Variants in DLG2 observed in about 807,000 individuals in gnomAD.
DLG2 encodes disks large homolog 2.
A neutral mutation model predicts 132.5 loss-of-function variants in DLG2; 45 were observed. The observed-to-expected ratio is 0.34, with a 90% CI of 0.27 to 0.44. DLG2 has a LOEUF of 0.44. Ranked by LOEUF, DLG2 falls within the 20% of genes least tolerant of loss-of-function variation. The pLI is 1.00. For missense variants in DLG2, 1,045 were observed against 1,196.9 expected (o/e 0.87, Z 1.87); for synonymous variants, 424 against 419.6 (o/e 1.01, Z -0.13).
chr11:83,571,914 G>C (rs1411779370), intron 19 of DLG2, among the ~76,000 whole-genome samples: 1 of 151,868 alleles, frequency 6.6e-6, no homozygotes, highest in Admixed American at 6.6e-5. Context: ...TATTTCTAAA[G>C]TATATATAAT....
At chr11:85,359,067 G>T (rs948671638) in intron 3 of DLG2, among the ~76,000 whole-genome samples, 1 of 152,178 alleles carries the variant, frequency 6.6e-6, no homozygotes, top group Non-Finnish European at 1.5e-5. Context: ...GTGAAAAGCA[G>T]ATAAAGCCTT....
chr11:84,472,385 A>T (rs540120867), intron 7 of DLG2, among the ~76,000 whole-genome samples: 79 of 152,026 alleles, frequency 5.2e-4, no homozygotes, highest in African/African-American at 1.9e-3. Context: ...GATAAATATT[A>T]AAATGTTTTC....
chr11:83,815,304 C>T (rs1300393145), intron 17 of DLG2: 5 of 152,298 alleles, frequency 3.3e-5, no homozygotes, highest in Non-Finnish European at 5.9e-5. Context: ...ACAAAGGCAA[C>T]TTCATCCCTC....
intron 6 of DLG2, among the ~76,000 whole-genome samples, chr11:84,571,130 C>T (rs1408539003): frequency 6.6e-6 from 1 of 152,106 alleles, no homozygotes; most frequent in Admixed American, 6.6e-5. Context: ...AGGAGGTACC[C>T]TGTTTTTTCA....
chr11:84,108,094 C>T (rs992802940), intron 9 of DLG2, among the ~76,000 whole-genome samples: 5 of 151,670 alleles, frequency 3.3e-5, no homozygotes, highest in African/African-American at 7.3e-5. Context: ...AAATATGAGA[C>T]GTAAGGGAAG....
At chr11:84,342,129 G>A (rs2098517917) in intron 7 of DLG2, among the ~76,000 whole-genome samples, 1 of 151,868 alleles carries the variant, frequency 6.6e-6, no homozygotes, top group African/African-American at 2.4e-5. Flanking sequence ...CGTTTGTGAT[G>A]GGTCATCTGG....
intron 6 of DLG2, among the ~76,000 whole-genome samples, chr11:84,922,002 A>G (rs2092779784): frequency 6.6e-6 from 1 of 152,200 alleles, no homozygotes; most frequent in South Asian, 2.1e-4. Context: ...TCATCAAAAC[A>G]TAAATACCTA....
rs544718576 is a variant in DLG2, at chr11:83,722,273, G to T, written c.1825+64417C>A. On this transcript the variant is annotated intron_variant, in intron 18 of 27. Coordinates refer to ENST00000376104, the MANE Select transcript of DLG2 (RefSeq NM_001142699.3). Reference sequence around the variant, plus strand: ...TTATGGTCTCCCACTGCCATGCAAAGTAAGAATTTTCCTGTTTTAAGTGCC... The same window carrying T: ...TTATGGTCTCCCACTGCCATGCAAATTAAGAATTTTCCTGTTTTAAGTGCC... Among the ~76,000 whole-genome samples, 105 of 152,172 alleles carry T rather than the reference G, an allele frequency of 6.9e-4. 2 individuals carry two copies. The South Asian group carries it at 0.016, about 23-fold the overall frequency.
chr11:85,298,073 G>C (rs1037872300), intron 3 of DLG2, among the ~76,000 whole-genome samples: 1 of 152,134 alleles, frequency 6.6e-6, no homozygotes, highest in Non-Finnish European at 1.5e-5. Flanking sequence ...GAGAGCCTGA[G>C]TTTGGTGAGG....
chr11:83,473,561 A>T (rs572413334), intron 22 of DLG2, among the ~76,000 whole-genome samples: 1 of 152,260 alleles, frequency 6.6e-6, no homozygotes, highest in South Asian at 2.1e-4. Context: ...TTAATTGGTC[A>T]GAGGATTAGC....
intron 10 of DLG2, among the ~76,000 whole-genome samples, chr11:84,072,513 G>A (rs1176473049): frequency 6.6e-6 from 1 of 152,150 alleles, no homozygotes; most frequent in Admixed American, 6.5e-5. Flanking sequence ...TGGTTTTTGG[G>A]GGCCAAGGAA....
chr11:84,737,270 T>C (rs1055628793), intron 6 of DLG2, among the ~76,000 whole-genome samples: 3 of 152,054 alleles, frequency 2.0e-5, no homozygotes, highest in Non-Finnish European at 4.4e-5. Context: ...TTTAGAACTT[T>C]TTCCATCTAT....
intron 7 of DLG2, among the ~76,000 whole-genome samples, chr11:84,445,370 G>T (rs1466819587): frequency 1.3e-5 from 2 of 152,120 alleles, no homozygotes; most frequent in African/African-American, 2.4e-5. Flanking sequence ...TGAACTGAAT[G>T]ATAGTAGACT....
intron 21 of DLG2, among the ~76,000 whole-genome samples, chr11:83,519,140 A>G (rs2095397740): frequency 6.6e-6 from 1 of 152,264 alleles, no homozygotes; most frequent in South Asian, 2.1e-4. Context: ...GGGCTGGGTA[A>G]ATGGTATGGA....
intron 3 of DLG2, among the ~76,000 whole-genome samples, chr11:85,320,266 C>T (rs1403055900): frequency 6.6e-6 from 1 of 151,886 alleles, no homozygotes; most frequent in Non-Finnish European, 1.5e-5. Flanking sequence ...GTCCAGCAGC[C>T]TTATTTTACA....
chr11:84,306,243 A>T (rs2098216655), intron 7 of DLG2, among the ~76,000 whole-genome samples: 1 of 152,288 alleles, frequency 6.6e-6, no homozygotes, highest in South Asian at 2.1e-4. Flanking sequence ...AACATCACAT[A>T]GGGCCCCATA....
chr11:84,401,485 C>T (rs1205364720), intron 7 of DLG2, among the ~76,000 whole-genome samples: 4 of 152,070 alleles, frequency 2.6e-5, no homozygotes, highest in Non-Finnish European at 1.5e-5. Flanking sequence ...ACGTGGTAGG[C>T]ACTCTATAAA....
intron 10 of DLG2, among the ~76,000 whole-genome samples, chr11:84,090,414 CAAAAAAAAAAA>C (rs397848695): frequency 1.3e-5 from 1 of 78,602 alleles, no homozygotes; most frequent in Admixed American, 1.6e-4. Flanking sequence ...GATTTCATCT[CAAAAAAAAAAA>C]AAAAAAAAAA....
At chr11:84,236,610 T>C (rs1234311972) in intron 8 of DLG2, among the ~76,000 whole-genome samples, 1 of 152,234 alleles carries the variant, frequency 6.6e-6, no homozygotes, top group African/African-American at 2.4e-5. Flanking sequence ...ATTAACTTGA[T>C]CAAGTCTGAG....
Sources: gnomAD v4.1 joint callset for allele counts (sites outside exome capture counted in the v4.1 genomes callset) on GRCh38, gnomAD v4.1.1 for gene constraint, MANE v1.5 for transcripts, NCBI Gene and HGNC (gene_info 2026-07-23, HGNC 2026-07-21) for gene names.